WDR70: variants seen among roughly 807,000 people sequenced by gnomAD.
The protein encoded by WDR70 is WD repeat-containing protein 70.
A neutral mutation model predicts 88.6 loss-of-function variants in WDR70; 53 were observed. The ratio of observed to expected loss-of-function variants is 0.60; its 90% confidence interval spans 0.48 to 0.75. The LOEUF (loss-of-function observed/expected upper bound fraction) is 0.75. Ranked by LOEUF, WDR70 falls within the 30% of genes least tolerant of loss-of-function variation. The pLI, the probability that WDR70 is intolerant of heterozygous loss-of-function variation, is 0.00. For missense variants in WDR70, 610 were observed against 823.2 expected (o/e 0.74, Z 3.17); for synonymous variants, 280 against 270.0 (o/e 1.04, Z -0.36).
At chr5:37,585,906 C>G (rs1743351423) in intron 9 of WDR70, among the ~76,000 whole-genome samples, 3 of 152,170 alleles carry the variant, frequency 2.0e-5, no homozygotes, top group African/African-American at 7.2e-5. Flanking sequence ...CTAGTACTAG[C>G]CTATTTCTGT....
chr5:37,612,108 T>G (rs978863314), intron 10 of WDR70, among the ~76,000 whole-genome samples: 1 of 151,948 alleles, frequency 6.6e-6, no homozygotes, highest in Non-Finnish European at 1.5e-5. Context: ...GGAGAGGGAG[T>G]AGTTGTAGAC....
chr5:37,503,254 A>T (rs1415008248), intron 8 of WDR70, among the ~76,000 whole-genome samples: 12 of 138,854 alleles, frequency 8.6e-5, no homozygotes, highest in Admixed American at 6.5e-4. Context: ...ATCTTTTCTT[A>T]TCTTTTTTTT....
intron 5 of WDR70, among the ~76,000 whole-genome samples, chr5:37,398,899 T>C (rs531617085): frequency 3.7e-4 from 56 of 152,334 alleles, no homozygotes; most frequent in Middle Eastern, 3.4e-3. Context: ...CCCAGTACTT[T>C]GGGAGGCTGA....
intron 9 of WDR70, among the ~76,000 whole-genome samples, chr5:37,536,481 G>T (rs545422709): frequency 6.6e-6 from 1 of 151,990 alleles, no homozygotes; most frequent in Non-Finnish European, 1.5e-5. Context: ...TGGAATATTT[G>T]TATTACTGGT....
chr5:37,418,930 A>G (rs1016601324), intron 5 of WDR70, among the ~76,000 whole-genome samples: 1 of 151,620 alleles, frequency 6.6e-6, no homozygotes, highest in Admixed American at 6.6e-5. Context: ...CGCCTGGCTA[A>G]TATTTGTACT....
chr5:37,638,664 G>C (rs1745033067), intron 10 of WDR70, among the ~76,000 whole-genome samples: 1 of 152,178 alleles, frequency 6.6e-6, no homozygotes, highest in South Asian at 2.1e-4. Context: ...TTCTTTTGGT[G>C]AACCTCTCTA....
rs538064425 is a variant in WDR70, at chr5:37,731,372, C to G, written c.1877+4327C>G. 3.5e-4 allele frequency among the ~76,000 whole-genome samples: 53 copies of G among 152,284 alleles called. No homozygotes were observed. The South Asian group carries it at 0.01, about 30-fold the overall frequency. On this transcript the variant is annotated intron_variant, in intron 17 of 17. Coordinates refer to ENST00000265107, the MANE Select transcript of WDR70 (RefSeq NM_018034.4). ...TCACAATTTATATTAATAAACAATA[C>G]AGATGGAACATCTCTGAACAGTGAA...
chr5:37,672,884 C>G (rs1746071309), intron 10 of WDR70, among the ~76,000 whole-genome samples: 1 of 152,138 alleles, frequency 6.6e-6, no homozygotes, highest in Admixed American at 6.5e-5. Flanking sequence ...GGCAGGCCAC[C>G]CCTTCATCTT....
intron 17 of WDR70, among the ~76,000 whole-genome samples, chr5:37,750,552 G>A (rs919040306): frequency 3.3e-5 from 5 of 152,050 alleles, no homozygotes; most frequent in African/African-American, 1.2e-4. Flanking sequence ...GAGTGATATG[G>A]TTTGGCTGTG....
At chr5:37,750,635 A>G (rs1399262746) in intron 17 of WDR70, among the ~76,000 whole-genome samples, 1 of 152,118 alleles carries the variant, frequency 6.6e-6, no homozygotes, top group Non-Finnish European at 1.5e-5. Flanking sequence ...AGTGGGAAGT[A>G]ATTTCCCATG....
chr5:37,525,294 G>A (rs2112286714), intron 9 of WDR70, among the ~76,000 whole-genome samples: 1 of 152,308 alleles, frequency 6.6e-6, no homozygotes, highest in Admixed American at 6.5e-5. Context: ...AGACCACAGT[G>A]CAATCAAACT....
chr5:37,408,410 G>A (rs1398539154), intron 5 of WDR70, among the ~76,000 whole-genome samples: 1 of 152,040 alleles, frequency 6.6e-6, no homozygotes, highest in Non-Finnish European at 1.5e-5. Flanking sequence ...GGAGGTGGAG[G>A]TTCCAGTGAG....
chr5:37,639,705 G>A (rs533632626), intron 10 of WDR70, among the ~76,000 whole-genome samples: 55 of 152,058 alleles, frequency 3.6e-4, no homozygotes, highest in Non-Finnish European at 6.0e-4. Context: ...CTTTGATGGT[G>A]ATCATAATGA....
intron 17 of WDR70, among the ~76,000 whole-genome samples, chr5:37,744,681 A>G (rs1305362624): frequency 6.6e-6 from 1 of 151,836 alleles, no homozygotes; most frequent in Non-Finnish European, 1.5e-5. Flanking sequence ...AAGAAAGGAT[A>G]TCAGAGTTTG....
intron 7 of WDR70, among the ~76,000 whole-genome samples, chr5:37,468,825 G>A (rs1015734340): frequency 1.4e-4 from 22 of 152,202 alleles, no homozygotes; most frequent in African/African-American, 5.3e-4. Flanking sequence ...ATAACTATCT[G>A]CATGACATTT....
At chr5:37,586,255 C>CTGCACATT (rs1743361387) in intron 9 of WDR70, among the ~76,000 whole-genome samples, 1 of 152,140 alleles carries the variant, frequency 6.6e-6, no homozygotes, top group South Asian at 2.1e-4. Context: ...GTTTCCCACT[C>CTGCACATT]CTAATGCCAT....
chr5:37,431,759 T>A (rs918638371), intron 5 of WDR70, among the ~76,000 whole-genome samples: 1 of 152,238 alleles, frequency 6.6e-6, no homozygotes, highest in Admixed American at 6.5e-5. Flanking sequence ...CTGCTTTCTA[T>A]CTCTATTAAT....
In WDR70 at chr5:37,724,986, G is replaced by T; in HGVS notation, c.1650G>T (p.Gln550His). 6.2e-7 allele frequency: 1 copy of T among 1,613,690 alleles called. No homozygotes were observed. The change falls in exon 16 of 18, where the codon CAG (glutamine) becomes CAT (histidine). Residue 550 changes from glutamine to histidine, a missense_variant. Coordinates refer to ENST00000265107, the MANE Select transcript of WDR70 (RefSeq NM_018034.4). ...CCCGCCAACGGAGTACAAGGAAACAGCTGGAGAAGGACAGACTGGATCCCC... is the reference window on the plus strand; with the variant it reads ...CCCGCCAACGGAGTACAAGGAAACATCTGGAGAAGGACAGACTGGATCCCC... Reference protein sequence around the residue: ...REPRQRSTRKQLEKDRLDPLK... With the variant: ...REPRQRSTRKHLEKDRLDPLK...
rs549710643 is a variant in WDR70, at chr5:37,510,077, T to TCC, written c.841-6429_841-6428dup. On this transcript the variant is annotated intron_variant, in intron 8 of 17. Transcript: ENST00000265107. ...GAGACCCTCATCTGTAAACAAACAC[T>TCC]CCCCCCCCCAAAAAAAAACTTAATA... Among the ~76,000 whole-genome samples the TCC allele has an allele frequency of 9.1e-4, 131 of 144,516 alleles. 1 individual carries two copies. The highest frequency in any genetic ancestry group is 4.2e-3 in the South Asian group (19 of 4,568). The allele number at this position is 144,516 out of a possible 152,430, so 94.8% of individuals were successfully genotyped here.
Sources: allele counts gnomAD v4.1 joint callset (sites outside exome capture counted in the v4.1 genomes callset), GRCh38; gene constraint gnomAD v4.1.1; transcripts MANE v1.5; gene names NCBI Gene and HGNC (gene_info 2026-07-23, HGNC 2026-07-21).